Variants in RNASEH2B observed in about 807,000 individuals in gnomAD.
RNASEH2B encodes Aicardi-Goutieres syndrome 2 protein.
Under a neutral mutation model 45.0 loss-of-function variants are expected in RNASEH2B, and 36 were observed. That is an observed-to-expected ratio of 0.80 (90% CI 0.61 to 1.06). The LOEUF is 1.06. RNASEH2B is among the 50% of genes least tolerant of loss of function. RNASEH2B has a pLI of 0.00. For synonymous variants in RNASEH2B, 119 were observed against 125.7 expected, an observed-to-expected ratio of 0.95 and a Z score of 0.35; for missense variants, 361 against 360.3, an observed-to-expected ratio of 1.00 and a Z score of -0.02.
At chr13:50,934,057 G>A (rs956516393) in intron 4 of RNASEH2B, 2 of 152,342 alleles carry the variant, frequency 1.3e-5, no homozygotes, top group Middle Eastern at 3.4e-3. Context: ...GTCAGTACAC[G>A]AGAGGTAGAG....
chr13:50,930,696 T>A lies in RNASEH2B; in HGVS notation c.258T>A (p.His86Gln), dbSNP rs1951669188. 3 of 1,613,070 alleles carry A rather than the reference T, an allele frequency of 1.9e-6. No individual in the cohort carries two copies. The highest frequency in any genetic ancestry group is 2.5e-6 in the Non-Finnish European group (3 of 1,179,038). ...TGTAATCTGCAGGAGGTCTTCTCCA[T>A]TTTGCCACACCTGTGGATCCTCTAT... ...NQSVQSGGLL[H>Q]FATPVDPLFL... The change falls in exon 4 of 11, where the codon CAT (histidine) becomes CAA (glutamine). Residue 86 changes from histidine (H) to glutamine (Q), a missense_variant. Coordinates refer to ENST00000336617, the MANE Select transcript of RNASEH2B (RefSeq NM_024570.4).
At chr13:50,914,305 T>C (rs1226349929) in intron 1 of RNASEH2B, among the ~76,000 whole-genome samples, 1 of 152,206 alleles carries the variant, frequency 6.6e-6, no homozygotes, top group African/African-American at 2.4e-5. Flanking sequence ...TGTATGTATA[T>C]GTTTGTGTTT....
At chr13:50,932,257 A>G (rs1281596304) in intron 4 of RNASEH2B, among the ~76,000 whole-genome samples, 1 of 152,076 alleles carries the variant, frequency 6.6e-6, no homozygotes, top group Non-Finnish European at 1.5e-5. Context: ...TCTGCTTGCA[A>G]CTCAGCCAGC....
intron 1 of RNASEH2B, among the ~76,000 whole-genome samples, chr13:50,915,011 C>A (rs1879656042): frequency 6.6e-6 from 1 of 152,140 alleles, no homozygotes; most frequent in Non-Finnish European, 1.5e-5. Context: ...TGGTTTACTT[C>A]CTCACTATAA....
chr13:50,967,718 GT>G (rs1952179552), intron 9 of RNASEH2B, among the ~76,000 whole-genome samples: 1 of 152,168 alleles, frequency 6.6e-6, no homozygotes, highest in Admixed American at 6.5e-5. Context: ...TTTTCACATA[GT>G]TTAGGAGTTG....
At chr13:50,954,470 T>G (rs1213216868) in intron 10 of RNASEH2B, 5 of 168,720 alleles carry the variant, frequency 3.0e-5, no homozygotes, top group Non-Finnish European at 6.3e-5. Context: ...GCTTTTTATT[T>G]AACATTAAAT....
intron 4 of RNASEH2B, chr13:50,934,214 T>A (rs1051766389): frequency 2.6e-5 from 4 of 152,690 alleles, no homozygotes; most frequent in African/African-American, 9.6e-5. Flanking sequence ...TTCCAAAGAA[T>A]GATGTTGTGA....
chr13:50,967,450 G>A (rs186285968), intron 9 of RNASEH2B, among the ~76,000 whole-genome samples: 188 of 152,312 alleles, frequency 1.2e-3, no homozygotes, highest in Non-Finnish European at 1.3e-3. Context: ...AAGCAACTTT[G>A]ACATGAATTT....
intron 1 of RNASEH2B, among the ~76,000 whole-genome samples, chr13:50,921,742 A>G (rs1271988731): frequency 6.6e-6 from 1 of 152,256 alleles, no homozygotes; most frequent in Non-Finnish European, 1.5e-5. Flanking sequence ...ACTAGCAAAG[A>G]TAGCAAAAAG....
At chr13:50,947,880 C>T (rs1460918076) in intron 7 of RNASEH2B, 107 bp from the exon 8 acceptor site, 4 of 1,570,678 alleles carry the variant, frequency 2.5e-6, no homozygotes, top group African/African-American at 2.7e-5. Flanking sequence ...AGTGAGTTCC[C>T]TTTATCCAGA....
chr13:50,942,691 A>G (rs192419764), intron 5 of RNASEH2B: 2 of 152,466 alleles, frequency 1.3e-5, no homozygotes, highest in East Asian at 1.9e-4. Flanking sequence ...TATTTTACCA[A>G]AGTTAAAGAT....
intron 9 of RNASEH2B, among the ~76,000 whole-genome samples, chr13:50,968,140 G>T (rs918933194): frequency 5.9e-5 from 9 of 152,098 alleles, no homozygotes; most frequent in African/African-American, 1.9e-4. Context: ...CCTTAGCTGG[G>T]CACAGTCACT....
At chr13:50,948,602 C>T (rs1365144530) in intron 8 of RNASEH2B, 1 of 152,538 alleles carries the variant, frequency 6.6e-6, no homozygotes, top group Non-Finnish European at 1.5e-5. Flanking sequence ...TTATAAAGAG[C>T]TTATACATTT....
chr13:50,946,889 T>A (rs1951906675), intron 7 of RNASEH2B, among the ~76,000 whole-genome samples: 3 of 152,212 alleles, frequency 2.0e-5, no homozygotes, highest in Admixed American at 1.3e-4. Flanking sequence ...GTTTTCTTGG[T>A]CTAGTCATGA....
At chr13:50,955,828 T>C (rs1366017657) in intron 10 of RNASEH2B, 1 of 156,202 alleles carries the variant, frequency 6.4e-6, no homozygotes, top group East Asian at 1.9e-4. Flanking sequence ...GAGTCAGCTT[T>C]TTGGAAAGTA....
At chr13:50,919,454 C>G (rs1322440432) in intron 1 of RNASEH2B, among the ~76,000 whole-genome samples, 1 of 152,224 alleles carries the variant, frequency 6.6e-6, no homozygotes, top group Admixed American at 6.5e-5. Context: ...ACAGCTCTCC[C>G]TCCTTTCTCT....
intron 10 of RNASEH2B, 106 bp downstream of exon 10, chr13:50,954,091 G>A: frequency 1.3e-6 from 1 of 751,524 alleles, no homozygotes; most frequent in Non-Finnish European, 2.4e-6. Flanking sequence ...GTTTTGACCA[G>A]GAAGAATTAT....
chr13:50,970,028 C>T (rs1356637894), exon 10 of RNASEH2B: 7 of 1,491,028 alleles, frequency 4.7e-6, no homozygotes, highest in South Asian at 2.4e-5. Context: ...CCAGAGGACT[C>T]GGACTTTTTC....
chr13:50,953,249 T>C (rs1460540922), intron 9 of RNASEH2B: 1 of 152,522 alleles, frequency 6.6e-6, no homozygotes, highest in Non-Finnish European at 1.5e-5. Context: ...TGGTGTAAAA[T>C]GTTCATGTGA....
Sources: gnomAD v4.1 joint callset for allele counts (sites outside exome capture counted in the v4.1 genomes callset) on GRCh38, gnomAD v4.1.1 for gene constraint, MANE v1.5 for transcripts, NCBI Gene and HGNC (gene_info 2026-07-23, HGNC 2026-07-21) for gene names.